ACVR1B: variants seen among roughly 807,000 people sequenced by gnomAD.
The protein encoded by ACVR1B is activin receptor type-1B.
ACVR1B carries 15 observed loss-of-function variants against 55.6 expected under a neutral mutation model. The observed-to-expected ratio is 0.27, with a 90% CI of 0.18 to 0.42. ACVR1B has a LOEUF of 0.42. ACVR1B is among the 10% of genes least tolerant of loss of function. The pLI is 1.00. For synonymous variants in ACVR1B, 247 were observed against 254.6 expected, an observed-to-expected ratio of 0.97 and a Z score of 0.28; for missense variants, 359 against 670.1, an observed-to-expected ratio of 0.54 and a Z score of 5.13.
chr12:51,960,075 T>C (rs1941487803), intron 1 of ACVR1B: 1 of 152,220 alleles, frequency 6.6e-6, no homozygotes, highest in Admixed American at 6.5e-5. Flanking sequence ...AGCACCAAGC[T>C]GAATGCTGAG....
At chr12:51,992,651 A>G (rs950521092) in intron 8 of ACVR1B, among the ~76,000 whole-genome samples, 4 of 152,176 alleles carry the variant, frequency 2.6e-5, no homozygotes, top group African/African-American at 7.2e-5. Flanking sequence ...AGTGAGGAGG[A>G]GGTGTCCATA....
chr12:51,975,415 CCTT>C lies in ACVR1B; in HGVS notation c.245_247del (p.Phe82del). ...GTGGAGCTGGTCCCTGCCGGGAAGC[CCTT>C]CTACTGCCTGAGCTCGGAGGACCTG... On this transcript the variant is annotated inframe_deletion, in exon 2 of 9. Transcript: ENST00000257963. 6.2e-7 allele frequency: 1 copy of C among 1,614,208 alleles called. No homozygotes were observed. Among genetic ancestry groups the C allele is most frequent in the Non-Finnish European group, 8.5e-7 (1 of 1,180,040 alleles).
At chr12:51,974,932 G>A (rs1339781084) in intron 1 of ACVR1B, among the ~76,000 whole-genome samples, 2 of 152,184 alleles carry the variant, frequency 1.3e-5, no homozygotes, top group Admixed American at 6.5e-5. Context: ...ACCCTAGGTG[G>A]CTCTGCATGA....
intron 1 of ACVR1B, among the ~76,000 whole-genome samples, chr12:51,965,148 G>T (rs568900031): frequency 1.3e-5 from 2 of 152,200 alleles, no homozygotes; most frequent in African/African-American, 2.4e-5. Flanking sequence ...TTTGCAAAAA[G>T]AATTCCTTTT....
chr12:51,984,379 G>C (rs556769959), intron 5 of ACVR1B, among the ~76,000 whole-genome samples: 2 of 152,288 alleles, frequency 1.3e-5, no homozygotes, highest in South Asian at 4.1e-4. Flanking sequence ...ACTCCCTCAG[G>C]AACCCTATAA....
intron 6 of ACVR1B, among the ~76,000 whole-genome samples, chr12:51,985,805 T>C (rs563303420): frequency 3.9e-4 from 59 of 152,270 alleles, no homozygotes; most frequent in African/African-American, 1.1e-3. Flanking sequence ...TTCAAGATTA[T>C]GGGCCTGCTT....
intron 1 of ACVR1B, among the ~76,000 whole-genome samples, chr12:51,963,123 A>T (rs1173874362): frequency 6.6e-6 from 1 of 152,232 alleles, no homozygotes; most frequent in Admixed American, 6.5e-5. Flanking sequence ...AAATTGTAGC[A>T]AAATACGTAT....
chr12:51,977,607 C>CTT lies in ACVR1B; in HGVS notation c.580+1052_580+1053dup, dbSNP rs71443237. 2.4e-3 allele frequency among the ~76,000 whole-genome samples: 290 copies of CTT among 123,000 alleles called. 7 individuals carry two copies. Among genetic ancestry groups the CTT allele is most frequent in the African/African-American group, 5.7e-3 (177 of 30,786 alleles). The allele number at this position is 123,000 out of a possible 152,430, so 80.7% of individuals were successfully genotyped here. A position where few individuals can be genotyped will look rare whatever the true frequency, so the allele number is the denominator to read the frequency against. ...TTTTTGTGACAATGGTATTGCATTC[C>CTT]TTTTTTTTTTTTTTTTTTTTTGTTT... On this transcript the variant is annotated intron_variant, in intron 3 of 8. Coordinates refer to ENST00000257963, the MANE Select transcript of ACVR1B (RefSeq NM_004302.5).
chr12:51,963,430 G>C (rs1941575712), intron 1 of ACVR1B, among the ~76,000 whole-genome samples: 1 of 152,142 alleles, frequency 6.6e-6, no homozygotes, highest in African/African-American at 2.4e-5. Context: ...ATTTTTAGTA[G>C]AGACGGGGTT....
At position 51,954,846 on chromosome 12, in the gene ACVR1B, T is replaced by A. The variant is rs969852095; in HGVS notation, c.91+3012T>A. Among the ~76,000 whole-genome samples the A allele has an allele frequency of 7.2e-5, 11 of 152,346 alleles. No homozygotes were observed. In the South Asian group the frequency reaches 2.3e-3, roughly 32 times the overall value. ...GTATTTTTAGACACAGTTTCTGACT[T>A]CAGTGAATAAGCAATGCTGGGTTAC... On this transcript the variant is annotated intron_variant, in intron 1 of 8. Coordinates refer to ENST00000257963, the MANE Select transcript of ACVR1B (RefSeq NM_004302.5).
At chr12:51,965,677 T>C (rs1381967201) in intron 1 of ACVR1B, among the ~76,000 whole-genome samples, 1 of 152,104 alleles carries the variant, frequency 6.6e-6, no homozygotes, top group East Asian at 1.9e-4. Flanking sequence ...ATAGTTGGGC[T>C]AGGATAGGTA....
At position 51,994,068 on chromosome 12, in the gene ACVR1B, G is replaced by A. The variant is rs751127401; in HGVS notation, c.1476G>A (p.Lys492=). ...GCCTGACGGCCCTGCGCATCAAGAA[G>A]ACCCTCTCCCAGCTCAGCGTGCAGG... ...AARLTALRIK[K]TLSQLSVQED... Residue 492 remains lysine (K), a synonymous_variant, in exon 9 of 9, where the codon AAG becomes AAA. Transcript: ENST00000257963. This position sits in a 1 kb window ranked among gnomAD's most constrained non-coding sequence, Gnocchi z 4.2. The A allele has an allele frequency of 2.5e-6, 4 of 1,613,972 alleles. No individual in the cohort carries two copies. The Admixed American group carries it at 5.0e-5, about 20-fold the overall frequency.
chr12:51,953,352 T>G, intron 1 of ACVR1B: 2 of 985,466 alleles, frequency 2.0e-6, no homozygotes, highest in Non-Finnish European at 2.4e-6. Context: ...TGGTGGAGCC[T>G]GTGCAGCGGG....
intron 1 of ACVR1B, among the ~76,000 whole-genome samples, chr12:51,965,962 C>T (rs773824589): frequency 5.3e-5 from 8 of 151,714 alleles, no homozygotes; most frequent in Non-Finnish European, 1.0e-4. Flanking sequence ...TGTGTGTGTG[C>T]CAGAATCTGT....
At chr12:51,989,671 G>C (rs969294169) in intron 7 of ACVR1B, among the ~76,000 whole-genome samples, 3 of 152,142 alleles carry the variant, frequency 2.0e-5, no homozygotes, top group African/African-American at 7.2e-5. Flanking sequence ...AAAAAATGCA[G>C]TGCTATTACC....
chr12:51,992,276 A>G (rs1276690306), intron 8 of ACVR1B: 4 of 468,732 alleles, frequency 8.5e-6, no homozygotes, highest in Non-Finnish European at 1.5e-5. Context: ...AGGCTGAGGC[A>G]GGAAGATAGC....
In ACVR1B at chr12:51,975,431, C is replaced by T. The variant is rs1237920515; in HGVS notation, c.258C>T (p.Ser86=). Residue 86 remains serine (S), a synonymous_variant, in exon 2 of 9, where the codon AGC becomes AGT. Transcript: ENST00000257963. ...CCGGGAAGCCCTTCTACTGCCTGAG[C>T]TCGGAGGACCTGCGCAACACCCACT... is the stretch of plus-strand genomic sequence containing the variant. ...VPAGKPFYCL[S]SEDLRNTHCC... The T allele has an allele frequency of 3.7e-6, 6 of 1,614,120 alleles. No homozygotes were observed. The highest frequency in any genetic ancestry group is 5.1e-6 in the Non-Finnish European group (6 of 1,180,058).
intron 1 of ACVR1B, among the ~76,000 whole-genome samples, chr12:51,960,827 G>A (rs2120463190): frequency 6.6e-6 from 1 of 152,308 alleles, no homozygotes; most frequent in South Asian, 2.1e-4. Context: ...AATGCACCCT[G>A]TTTGTCTGAC....
rs1340406536 is a variant in ACVR1B, at chr12:51,976,580, C to T, written c.580+5C>T. ...CCACCTCAGGGTCTGGCTCAGGTAC[C>T]AAGTTCTTCAGGGCATCATGTCTGT... On this transcript the variant is annotated splice_donor_5th_base_variant and intron_variant, in intron 3 of 8. Transcript: ENST00000257963. 3 of 1,612,250 alleles carry T rather than the reference C, an allele frequency of 1.9e-6. No individual in the cohort carries two copies. The highest frequency in any genetic ancestry group is 2.7e-5 in the African/African-American group (2 of 74,862).
Sources: gnomAD v4.1 joint callset for allele counts (sites outside exome capture counted in the v4.1 genomes callset) on GRCh38, gnomAD v4.1.1 for gene constraint, Gnocchi (gnomAD v3.1) non-coding constraint, MANE v1.5 for transcripts, NCBI Gene and HGNC (gene_info 2026-07-23, HGNC 2026-07-21) for gene names.